TTLL5: variants seen among roughly 807,000 people sequenced by gnomAD.
TTLL5 encodes tubulin tyrosine ligase like 5.
Under a neutral mutation model 168.4 loss-of-function variants are expected in TTLL5, and 132 were observed. The ratio of observed to expected loss-of-function variants is 0.78; its 90% CI spans 0.68 to 0.91. The LOEUF (loss-of-function observed/expected upper bound fraction) is 0.91, where lower values mean the gene tolerates loss of function less well. TTLL5 is among the 40% of genes least tolerant of loss of function. The pLI is 0.00. For synonymous variants in TTLL5, 546 were observed against 558.6 expected (o/e 0.98, Z 0.32); for missense variants, 1,545 against 1,581.5 (o/e 0.98, Z 0.39).
intron 27 of TTLL5, among the ~76,000 whole-genome samples, chr14:75,797,722 A>G (rs994310982): frequency 6.6e-6 from 1 of 152,002 alleles, no homozygotes; most frequent in African/African-American, 2.4e-5. Context: ...ACATTTATTG[A>G]CTTGCGTATG....
chr14:75,879,098 C>A (rs2031662832), intron 29 of TTLL5, among the ~76,000 whole-genome samples: 1 of 152,082 alleles, frequency 6.6e-6, no homozygotes, highest in East Asian at 1.9e-4. Flanking sequence ...TAAAATTAAT[C>A]ATATATAAAT....
chr14:75,813,267 TG>T (rs1453330262), intron 27 of TTLL5, among the ~76,000 whole-genome samples: 2 of 83,608 alleles, frequency 2.4e-5, no homozygotes, highest in East Asian at 3.5e-4. Context: ...ACTGTGTGTG[TG>T]TTTGTGTGTG....
chr14:75,724,193 A>G (rs1483338545), intron 12 of TTLL5, among the ~76,000 whole-genome samples: 21 of 152,154 alleles, frequency 1.4e-4, no homozygotes, highest in Non-Finnish European at 5.9e-5. Context: ...TGCCAGGGGC[A>G]TTCCCTTACT....
chr14:75,793,766 G>A (rs913145047), intron 27 of TTLL5, among the ~76,000 whole-genome samples: 6 of 152,098 alleles, frequency 3.9e-5, no homozygotes, highest in African/African-American at 1.4e-4. Flanking sequence ...AATTCTCTTT[G>A]TCCTTCTTGC....
chr14:75,732,738 A>C (rs1238778777), intron 13 of TTLL5, among the ~76,000 whole-genome samples: 1 of 152,172 alleles, frequency 6.6e-6, no homozygotes, highest in Non-Finnish European at 1.5e-5. Context: ...AAAGAAATAC[A>C]TAAGGTATTT....
rs572169463 is a variant in TTLL5 at position 75,926,303 on chromosome 14, A to G, written c.3823+24079A>G. 1.5e-4 allele frequency among the ~76,000 whole-genome samples: 23 copies of G among 151,194 alleles called. No homozygotes were observed. The South Asian group carries it at 2.9e-3, about 19-fold the overall frequency. On this transcript the variant is annotated intron_variant, in intron 31 of 31. Coordinates refer to ENST00000298832, the MANE Select transcript of TTLL5 (RefSeq NM_015072.5). Reference sequence around the variant, plus strand: ...CTGATGGGTCTTGACTCTTTATCCAATTTGCCAGTTCGTGTCTTTTAATTG... The same window carrying G: ...CTGATGGGTCTTGACTCTTTATCCAGTTTGCCAGTTCGTGTCTTTTAATTG...
intron 23 of TTLL5, among the ~76,000 whole-genome samples, chr14:75,778,346 A>G (rs1423524647): frequency 6.6e-6 from 1 of 152,218 alleles, no homozygotes; most frequent in African/African-American, 2.4e-5. Context: ...CTGGAGTCAG[A>G]CAGGAAAACA....
At chr14:75,752,130 G>A (rs781494062) in intron 17 of TTLL5, among the ~76,000 whole-genome samples, 4 of 152,132 alleles carry the variant, frequency 2.6e-5, no homozygotes, top group African/African-American at 4.8e-5. Flanking sequence ...TCTGTACTGC[G>A]ACCTGTTTTA....
At chr14:75,668,887 A>G (rs1883498998) in intron 2 of TTLL5, among the ~76,000 whole-genome samples, 1 of 152,250 alleles carries the variant, frequency 6.6e-6, no homozygotes, top group African/African-American at 2.4e-5. Flanking sequence ...ACTTTCACTC[A>G]TATTCAGGCA....
At chr14:75,707,489 G>T in intron 8 of TTLL5, 134 bp from the exon 9 acceptor site, 1 of 658,506 alleles carries the variant, frequency 1.5e-6, no homozygotes, top group Admixed American at 2.8e-5. Flanking sequence ...AAGTCAAGGT[G>T]TGTGAGCAGT....
intron 28 of TTLL5, among the ~76,000 whole-genome samples, chr14:75,835,927 T>G (rs1895841788): frequency 6.6e-6 from 1 of 152,138 alleles, no homozygotes; most frequent in South Asian, 2.1e-4. Context: ...TAGTGAAGGC[T>G]CCTACACTGC....
chr14:75,684,560 A>G (rs568693346), intron 5 of TTLL5: 1 of 152,274 alleles, frequency 6.6e-6, no homozygotes, highest in South Asian at 2.1e-4. Flanking sequence ...TGTAATTAGG[A>G]AGGAGTTCAC....
rs1284434258 is a variant in TTLL5 at position 75,819,172 on chromosome 14, G to A, written c.3172-835G>A. ...ATAAATATTGACTGCTATTATGATA[G>A]CCACCTGTCATTAATCATCTGCAAT... On this transcript the variant is annotated intron_variant, in intron 27 of 31. Transcript: ENST00000298832. 2.6e-5 allele frequency among the ~76,000 whole-genome samples: 4 copies of A among 152,278 alleles called. 1 individual carries two copies. The highest frequency in any genetic ancestry group is 9.6e-5 in the African/African-American group (4 of 41,566).
intron 12 of TTLL5, among the ~76,000 whole-genome samples, chr14:75,729,075 A>G (rs2140226101): frequency 6.6e-6 from 1 of 151,364 alleles, no homozygotes; most frequent in East Asian, 1.9e-4. Context: ...AAGGAACCCT[A>G]TTAAAGAGGT....
intron 31 of TTLL5, among the ~76,000 whole-genome samples, chr14:75,951,305 T>A (rs2034954122): frequency 1.3e-5 from 2 of 152,066 alleles, no homozygotes; most frequent in South Asian, 4.2e-4. Context: ...GCCATGATCA[T>A]GCCACTGCAC....
intron 14 of TTLL5, among the ~76,000 whole-genome samples, 177 bp downstream of exon 14, chr14:75,734,227 T>C (rs1349276108): frequency 2.1e-4 from 32 of 152,238 alleles, no homozygotes; most frequent in Admixed American, 2.1e-3. Flanking sequence ...GGCTCCATCC[T>C]GTCCTGAGGC....
At chr14:75,700,196 G>T (rs1256489664) in intron 7 of TTLL5, among the ~76,000 whole-genome samples, 1 of 152,096 alleles carries the variant, frequency 6.6e-6, no homozygotes, top group Non-Finnish European at 1.5e-5. Context: ...GCATGAGAGG[G>T]CCCCCGCTAC....
At chr14:75,763,426 A>G (rs1890783228) in intron 18 of TTLL5, among the ~76,000 whole-genome samples, 1 of 152,114 alleles carries the variant, frequency 6.6e-6, no homozygotes, top group South Asian at 2.1e-4. Context: ...CAAAAGACTT[A>G]CCATCCATTC....
chr14:75,923,305 G>A (rs1238586275), intron 31 of TTLL5, among the ~76,000 whole-genome samples: 1 of 152,080 alleles, frequency 6.6e-6, no homozygotes, highest in Non-Finnish European at 1.5e-5. Flanking sequence ...TGATGTTAGG[G>A]TGTTGATTTT....
Sources: gnomAD v4.1 joint callset for allele counts (sites outside exome capture counted in the v4.1 genomes callset) on GRCh38, gnomAD v4.1.1 for gene constraint, MANE v1.5 for transcripts, NCBI Gene and HGNC (gene_info 2026-07-23, HGNC 2026-07-21) for gene names.